The following PLXNB1 variants were observed in gnomAD, a reference collection of about 807,000 sequenced individuals.
The protein encoded by PLXNB1 is plexin B1.
A neutral mutation model predicts 209.4 loss-of-function variants in PLXNB1; 106 were observed. The ratio of observed to expected loss-of-function variants is 0.51; its 90% CI spans 0.43 to 0.59. The LOEUF is 0.59. PLXNB1 is among the 20% of genes least tolerant of loss of function. PLXNB1 has a pLI of 0.00. For synonymous variants in PLXNB1, 1,167 were observed against 1,183.2 expected (o/e 0.99, Z 0.28); for missense variants, 2,357 against 2,853.2 (o/e 0.83, Z 3.96).
At position 48,416,160 on chromosome 3, in the gene PLXNB1, T is replaced by C. The variant is rs561101657; in HGVS notation, c.3488A>G (p.Lys1163Arg). The change falls in exon 18 of 38, where the codon AAG becomes AGG. Residue 1163 changes from lysine to arginine, a missense_variant. Coordinates refer to ENST00000296440, the MANE Select transcript of PLXNB1 (RefSeq NM_001130082.3). The surrounding 1 kb of genome is among the most constrained non-coding windows in gnomAD (Gnocchi z 4.1). The stretch of plus-strand genomic sequence containing the variant: ...GCGGGCCGGGAAGATGGAATGGACC[T>C]TCGGATCCTGTGGGACAGACAGGGA... ...SEHDFAYQDP[K>R]VHSIFPARGP... The C allele has an allele frequency of 6.3e-7, 1 of 1,598,970 alleles. No individual in the cohort carries two copies. Among genetic ancestry groups the C allele is most frequent in the Admixed American group, 1.7e-5 (1 of 57,796 alleles).
chr3:48,415,453 A>C lies in PLXNB1; in HGVS notation c.3795-106T>G. 3.5e-6 allele frequency: 5 copies of C among 1,428,958 alleles called. No homozygotes were observed. In the South Asian group the frequency reaches 3.9e-5, roughly 11 times the overall value. The allele number at this position is 1,428,958 out of a possible 1,614,324, so 88.5% of individuals were successfully genotyped here. On this transcript the variant is annotated intron_variant, in intron 19 of 37. Coordinates refer to ENST00000296440, the MANE Select transcript of PLXNB1 (RefSeq NM_001130082.3). This position sits in a 1 kb window ranked among gnomAD's most constrained non-coding sequence, Gnocchi z 5.0. The stretch of plus-strand genomic sequence containing the variant: ...CAGCTCAGCCCCAGCCCCAAACCAC[A>C]CGACCCCTTGCCCCTACTAGCAGCA...
Position 48,418,484 on chromosome 3 carries a change from C to G in PLXNB1, c.3014G>C (p.Gly1005Ala). The change falls in exon 14 of 38, where the codon GGC becomes GCC. Residue 1005 changes from glycine (G) to alanine (A), a missense_variant. Coordinates refer to ENST00000296440, the MANE Select transcript of PLXNB1 (RefSeq NM_001130082.3). This position sits in a 1 kb window ranked among gnomAD's most constrained non-coding sequence, Gnocchi z 6.6. ...CTCAGCACTGTCCACACGCAGACGG[C>G]CGGCCCGACGCAGAAACAGCCCCAC... Reference protein sequence around the residue: ...LRVGLFLRRAGRLRVDSAEGL... With the variant: ...LRVGLFLRRAARLRVDSAEGL... 1.2e-6 allele frequency: 2 copies of G among 1,612,494 alleles called. No individual in the cohort carries two copies. Among genetic ancestry groups the G allele is most frequent in the Non-Finnish European group, 1.7e-6 (2 of 1,179,444 alleles).
chr3:48,416,093 G>T lies in PLXNB1; in HGVS notation c.3555C>A (p.Ser1185=), dbSNP rs2038076887. 6.2e-7 allele frequency: 1 copy of T among 1,601,158 alleles called. No individual in the cohort carries two copies. Reference sequence around the variant, plus strand: ...CCTCCAGCCGCCCAGTCAGGAGCTTGGAGCCATTCAGGGTGAGACGGGTGC... The same window carrying T: ...CCTCCAGCCGCCCAGTCAGGAGCTTTGAGCCATTCAGGGTGAGACGGGTGC... ...AGGTRLTLNG[S]KLLTGRLEDI... Residue 1185 remains serine (S), a synonymous_variant, in exon 18 of 38, where the codon TCC becomes TCA. Transcript: ENST00000296440. This position sits in a 1 kb window ranked among gnomAD's most constrained non-coding sequence, Gnocchi z 4.1.
At position 48,415,241 on chromosome 3, in the gene PLXNB1, C is replaced by T. The variant is rs2037999408; in HGVS notation, c.3901G>A (p.Gly1301Arg). ...SRMLQPSQGL[G>R]RRRRVVPETA... ...TCCGGGACCACGCGACGCCTCCGTCCAAGCCCCTGGCTGGGCTGCAGCATT... is the reference window on the plus strand; with the variant it reads ...TCCGGGACCACGCGACGCCTCCGTCTAAGCCCCTGGCTGGGCTGCAGCATT... The change falls in exon 20 of 38, where the codon GGA (glycine) becomes AGA (arginine). Residue 1301 changes from glycine to arginine, a missense_variant. Gly to Arg is a moderately radical substitution (Grantham distance 125). This residue lies in a region of PLXNB1 where 743 missense variants were observed against 896.2 expected (regional missense o/e 0.83). Coordinates refer to ENST00000296440, the MANE Select transcript of PLXNB1 (RefSeq NM_001130082.3). This position sits in a 1 kb window ranked among gnomAD's most constrained non-coding sequence, Gnocchi z 5.0. The T allele has an allele frequency of 2.5e-6, 4 of 1,613,516 alleles. No individual in the cohort carries two copies. The highest frequency in any genetic ancestry group is 3.4e-6 in the Non-Finnish European group (4 of 1,180,014).
rs1283761251 is a variant in PLXNB1 at position 48,425,315 on chromosome 3, T to C, written c.-41A>G. 1.3e-5 allele frequency: 2 copies of C among 152,132 alleles called. No individual in the cohort carries two copies. The highest frequency in any genetic ancestry group is 3.9e-4 in the East Asian group (2 of 5,166). 9.4% of individuals were successfully genotyped at this position (152,132 alleles called of 1,614,324 possible). A position where few individuals can be genotyped will look rare whatever the true frequency, so the allele number is the denominator to read the frequency against. The stretch of plus-strand genomic sequence containing the variant: ...CCGGCTGGATCAGGAGACAACAGCA[T>C]GACCCGTGTGGGAGTCACCTAGCAG... On this transcript the variant is annotated 5_prime_UTR_variant, in exon 2 of 38. An upstream start codon of the reference 5' UTR is lost. Transcript: ENST00000296440.
intron 27 of PLXNB1, 61 bp from the exon 28 acceptor site, chr3:48,412,070 G>A (rs892509335): frequency 4.4e-6 from 7 of 1,575,268 alleles, no homozygotes; most frequent in Middle Eastern, 1.8e-4. Context: ...GGGACATGAC[G>A]CACACTGGGG....
chr3:48,409,722 G>A lies in PLXNB1; in HGVS notation c.5788C>T (p.Gln1930Ter), dbSNP rs769618170. ...TRLLSMKGTL[Q>*]KFVDDLFQVI... ...TGGAACAGGTCATCCACGAACTTCTGCAGGGTGCCCTGTGGGAAGGAAGAA... is the reference window on the plus strand; with the variant it reads ...TGGAACAGGTCATCCACGAACTTCTACAGGGTGCCCTGTGGGAAGGAAGAA... Residue 1930 changes from glutamine (Q) to a stop codon, truncating the protein, a stop_gained, in exon 33 of 38, where the codon CAG (glutamine) becomes TAG (stop). Transcript: ENST00000296440. LOFTEE classifies it high-confidence loss of function. The surrounding 1 kb of genome is among the most constrained non-coding windows in gnomAD (Gnocchi z 5.8). 3 of 1,613,564 alleles carry A rather than the reference G, an allele frequency of 1.9e-6. No homozygotes were observed. Among genetic ancestry groups the A allele is most frequent in the Non-Finnish European group, 2.5e-6 (3 of 1,179,918 alleles).
At position 48,417,920 on chromosome 3, in the gene PLXNB1, A is replaced by G; in HGVS notation, c.3365T>C (p.Val1122Ala). The change falls in exon 16 of 38, where the codon GTC (valine) becomes GCC (alanine). Residue 1122 changes from valine to alanine, a missense_variant. Val to Ala is a moderately conservative substitution (Grantham distance 64). Transcript: ENST00000296440. The surrounding 1 kb of genome is among the most constrained non-coding windows in gnomAD (Gnocchi z 4.4). ...PCAVDAQEYE[V>A]SSSLVCITGA... is the part of the protein sequence containing the mutation. Reference sequence around the variant, plus strand: ...GGTGCAGCCAGCTTACCTGCTGGAGACCTCGTACTCCTGGGCATCCACAGC... The same window carrying G: ...GGTGCAGCCAGCTTACCTGCTGGAGGCCTCGTACTCCTGGGCATCCACAGC... The G allele has an allele frequency of 6.2e-7, 1 of 1,609,474 alleles. No homozygotes were observed. The highest frequency in any genetic ancestry group is 8.5e-7 in the Non-Finnish European group (1 of 1,177,322).
Position 48,415,272 on chromosome 3 carries a change from G to A in PLXNB1, c.3870C>T (p.Val1290=). The A allele has an allele frequency of 6.2e-7, 1 of 1,613,596 alleles. No homozygotes were observed. The highest frequency in any genetic ancestry group is 1.1e-5 in the South Asian group (1 of 91,082). ...CCTGGCTGGGCTGCAGCATTCTCGAGACCACGGTCACCCGGATTCTTGGCG... is the reference window on the plus strand; with the variant it reads ...CCTGGCTGGGCTGCAGCATTCTCGAAACCACGGTCACCCGGATTCTTGGCG... ...VQTPRIRVTV[V]SRMLQPSQGL... Residue 1290 remains valine (V), a synonymous_variant, in exon 20 of 38, where the codon GTC becomes GTT. Transcript: ENST00000296440. The surrounding 1 kb of genome is among the most constrained non-coding windows in gnomAD (Gnocchi z 5.0).
Position 48,416,307 on chromosome 3 carries a change from G to A in PLXNB1, c.3480+39C>T, listed in dbSNP as rs748706589. 3.2e-6 allele frequency: 5 copies of A among 1,567,386 alleles called. No homozygotes were observed. Among genetic ancestry groups the A allele is most frequent in the African/African-American group, 2.7e-5 (2 of 74,114 alleles). On this transcript the variant is annotated intron_variant, in intron 17 of 37. Coordinates refer to ENST00000296440, the MANE Select transcript of PLXNB1 (RefSeq NM_001130082.3). This position sits in a 1 kb window ranked among gnomAD's most constrained non-coding sequence, Gnocchi z 4.1. ...GTTGAGAGGAGCCACCAGAGAGGTT[G>A]GCCCGCTGGCAGCTGGGGGTGGCTC...
Position 48,417,796 on chromosome 3 carries a change from CA to C in PLXNB1, c.3374+114del. The C allele has an allele frequency of 1.7e-6, 2 of 1,180,450 alleles. No individual in the cohort carries two copies. The highest frequency in any genetic ancestry group is 1.2e-6 in the Non-Finnish European group (1 of 832,194). The allele number at this position is 1,180,450 out of a possible 1,614,324, so 73.1% of individuals were successfully genotyped here. Reference sequence around the variant, plus strand: ...GGCACTCGGGCATTGTGGCCAGGATCAAGGAACAGGGAGAGAGGGGGGCAGA... The same window carrying C: ...GGCACTCGGGCATTGTGGCCAGGATCAGGAACAGGGAGAGAGGGGGGCAGA... On this transcript the variant is annotated intron_variant, in intron 16 of 37. Coordinates refer to ENST00000296440, the MANE Select transcript of PLXNB1 (RefSeq NM_001130082.3). This position sits in a 1 kb window ranked among gnomAD's most constrained non-coding sequence, Gnocchi z 4.4.
At position 48,409,797 on chromosome 3, in the gene PLXNB1, A is replaced by G; in HGVS notation, c.5779-66T>C. 6.3e-7 allele frequency: 1 copy of G among 1,585,772 alleles called. No homozygotes were observed. Among genetic ancestry groups the G allele is most frequent in the Non-Finnish European group, 8.6e-7 (1 of 1,161,992 alleles). The stretch of plus-strand genomic sequence containing the variant: ...GCCCTCAGCAGCAGCCCAGCCTCAG[A>G]CACCCCCCGGCACTGTGCCTGCACG... On this transcript the variant is annotated intron_variant, in intron 32 of 37. Transcript: ENST00000296440. The surrounding 1 kb of genome is among the most constrained non-coding windows in gnomAD (Gnocchi z 5.8).
In PLXNB1 at chr3:48,428,872, G is replaced by GCAGC. The variant is rs1399888611; in HGVS notation, c.-60+1132_-60+1135dup. Among the ~76,000 whole-genome samples, 14 of 148,878 alleles carry GCAGC rather than the reference G, an allele frequency of 9.4e-5. No homozygotes were observed. The East Asian group carries it at 2.9e-3, about 31-fold the overall frequency. ...TCCGCCTTTGTCAGTCCCACCGGGAGCAGCCAGAAAGGGCTGTTACTACTG... is the reference window on the plus strand; with the variant it reads ...TCCGCCTTTGTCAGTCCCACCGGGAGCAGCCAGCCAGAAAGGGCTGTTACTACTG... On this transcript the variant is annotated intron_variant, in intron 1 of 37. Transcript: ENST00000296440.
At position 48,404,685 on chromosome 3, in the gene PLXNB1, G is replaced by T. The variant is rs186615920; in HGVS notation, c.6304-95C>A. 27 of 777,296 alleles carry T rather than the reference G, an allele frequency of 3.5e-5. 1 individual carries two copies. Among genetic ancestry groups the T allele is most frequent in the South Asian group, 2.9e-4 (16 of 55,370 alleles). 48.1% of individuals were successfully genotyped at this position (777,296 alleles called of 1,614,324 possible). ...CCTCCTAAGACGCTGTGGCATGAGT[G>T]GGGTAGGAGGCCAAGAAACCCAGCC... On this transcript the variant is annotated intron_variant, in intron 37 of 37. Transcript: ENST00000296440.
Position 48,413,663 on chromosome 3 carries a change from C to T in PLXNB1, c.4535+7G>A, listed in dbSNP as rs766602325. The T allele has an allele frequency of 6.2e-7, 1 of 1,603,288 alleles. No individual in the cohort carries two copies. Among genetic ancestry groups the T allele is most frequent in the Non-Finnish European group, 8.5e-7 (1 of 1,171,938 alleles). ...GCCCCAGCCCAGCCACATCTGGCTG[C>T]ACCCACCTGTACATGAGGACAATGA... On this transcript the variant is annotated splice_region_variant and intron_variant, in intron 23 of 37. Transcript: ENST00000296440. The surrounding 1 kb of genome is among the most constrained non-coding windows in gnomAD (Gnocchi z 5.4).
At chr3:48,426,617 C>T (rs1462996825) in intron 1 of PLXNB1, among the ~76,000 whole-genome samples, 1 of 152,170 alleles carries the variant, frequency 6.6e-6, no homozygotes. Flanking sequence ...TGGTGGAAGC[C>T]GGGACACTGT....
At position 48,423,870 on chromosome 3, in the gene PLXNB1, C is replaced by T; in HGVS notation, c.742G>A (p.Val248Ile). 2 of 1,614,054 alleles carry T rather than the reference C, an allele frequency of 1.2e-6. No individual in the cohort carries two copies. The highest frequency in any genetic ancestry group is 1.7e-6 in the Non-Finnish European group (2 of 1,180,028). The change falls in exon 3 of 38, where the codon GTA (valine) becomes ATA (isoleucine). Residue 248 changes from valine to isoleucine, a missense_variant. Coordinates refer to ENST00000296440, the MANE Select transcript of PLXNB1 (RefSeq NM_001130082.3). The part of the protein sequence containing the change: ...QAQSRAFRAY[V>I]SRVCLRDQHY... ...TGGTCCCGGAGACACACTCGAGATA[C>T]ATAGGCACGAAAAGCTCTAGACTGA...
rs757484403 is a variant in PLXNB1, at chr3:48,419,865, G to A, written c.2421C>T (p.Pro807=). The A allele has an allele frequency of 2.0e-5, 31 of 1,567,902 alleles. No individual in the cohort carries two copies. Among genetic ancestry groups the A allele is most frequent in the African/African-American group, 1.1e-4 (8 of 74,358 alleles). The change falls in exon 11 of 38, where the codon CCC becomes CCT. Residue 807 remains proline, a synonymous_variant. Transcript: ENST00000296440. This position sits in a 1 kb window ranked among gnomAD's most constrained non-coding sequence, Gnocchi z 5.7. The part of the protein sequence containing the change: ...VAAVPPADPG[P]EALHPTVPLD... The stretch of plus-strand genomic sequence containing the variant: ...GGGGCACTGTGGGATGAAGAGCCTC[G>A]GGGCCAGGGTCTGCAGGGGGCACTG...
Position 48,407,077 on chromosome 3 carries a change from G to A in PLXNB1, c.6102C>T (p.Asn2034=). ...GAATGTCCCGTGCATACAGAAGTTT[G>A]TTGATCGGGGAGTCCTGGACATAGC... ...DHKLGRDSPI[N]KLLYARDIPR... The change falls in exon 35 of 38, where the codon AAC becomes AAT. Residue 2034 remains asparagine (N), a synonymous_variant. Transcript: ENST00000296440. 6.2e-7 allele frequency: 1 copy of A among 1,614,128 alleles called. No individual in the cohort carries two copies. Among genetic ancestry groups the A allele is most frequent in the Non-Finnish European group, 8.5e-7 (1 of 1,179,992 alleles).
Sources: gnomAD v4.1 joint callset for allele counts (sites outside exome capture counted in the v4.1 genomes callset) on GRCh38, gnomAD v4.1.1 for gene constraint, gnomAD v4.1.1 regional missense constraint, Gnocchi (gnomAD v3.1) non-coding constraint, MANE v1.5 for transcripts, NCBI Gene and HGNC (gene_info 2026-07-23, HGNC 2026-07-21) for gene names.